Variants in PDE4D observed in about 807,000 individuals in gnomAD.
The protein encoded by PDE4D is phosphodiesterase 4D.
PDE4D carries 24 observed loss-of-function variants against 87.4 expected under a neutral mutation model. The ratio of observed to expected loss-of-function variants is 0.27; its 90% CI spans 0.20 to 0.39. The LOEUF (loss-of-function observed/expected upper bound fraction) is 0.39, where lower values mean the gene tolerates loss of function less well. PDE4D is among the 10% of genes least tolerant of loss of function. The pLI is 1.00. For synonymous variants in PDE4D, 384 were observed against 383.2 expected (o/e 1.00, Z -0.02); for missense variants, 714 against 1,041.0 (o/e 0.69, Z 4.32).
intron 1 of PDE4D, among the ~76,000 whole-genome samples, chr5:59,413,407 G>T (rs34873866): frequency 0.17 from 24,412 of 141,970 alleles, 2,684 homozygotes; most frequent in African/African-American, 0.31. Context: ...GCAGTGAGCC[G>T]AGATCGCGCC....
At chr5:59,614,463 A>G (rs1412394459) in intron 1 of PDE4D, among the ~76,000 whole-genome samples, 2 of 152,240 alleles carry the variant, frequency 1.3e-5, no homozygotes, top group East Asian at 3.8e-4. Context: ...ATAGAGCTAT[A>G]TGAGATATGT....
At chr5:60,155,540 T>C (rs760656498) in intron 2 of PDE4D, among the ~76,000 whole-genome samples, 10 of 152,214 alleles carry the variant, frequency 6.6e-5, no homozygotes, top group Non-Finnish European at 1.5e-4. Context: ...TATGGCTCCA[T>C]TACATGAATG....
At chr5:59,233,483 T>C (rs574436777) in intron 1 of PDE4D, among the ~76,000 whole-genome samples, 122 of 152,304 alleles carry the variant, frequency 8.0e-4, no homozygotes, top group African/African-American at 2.5e-3. Flanking sequence ...CTCTTCACTG[T>C]TGCCTAGCTC....
chr5:59,287,734 G>C (rs111289504), intron 1 of PDE4D, among the ~76,000 whole-genome samples: 4,170 of 151,362 alleles, frequency 0.028, 209 homozygotes, highest in African/African-American at 0.095. Flanking sequence ...GAGAGAGAGA[G>C]AGACAGACAG....
intron 3 of PDE4D, among the ~76,000 whole-genome samples, chr5:59,948,084 TA>T (rs1757904075): frequency 6.6e-6 from 1 of 152,180 alleles, no homozygotes; most frequent in Non-Finnish European, 1.5e-5. Context: ...CAAAGAGATG[TA>T]AAAAATGGAC....
chr5:59,579,910 T>G (rs1823804244), intron 1 of PDE4D, among the ~76,000 whole-genome samples: 1 of 152,210 alleles, frequency 6.6e-6, no homozygotes, highest in Non-Finnish European at 1.5e-5. Flanking sequence ...CACCACAAAT[T>G]CCTTTTAAAT....
intron 1 of PDE4D, among the ~76,000 whole-genome samples, chr5:59,464,302 A>C (rs1801232114): frequency 6.6e-6 from 1 of 152,138 alleles, no homozygotes; most frequent in Non-Finnish European, 1.5e-5. Context: ...CTCCCTGGGC[A>C]ATGGAATGTC....
At chr5:60,148,888 T>G (rs1781250772) in intron 2 of PDE4D, among the ~76,000 whole-genome samples, 1 of 152,210 alleles carries the variant, frequency 6.6e-6, no homozygotes, top group African/African-American at 2.4e-5. Context: ...CTCAAATGCT[T>G]ATTTATATGT....
At chr5:59,577,367 G>A (rs1823346919) in intron 1 of PDE4D, among the ~76,000 whole-genome samples, 1 of 152,094 alleles carries the variant, frequency 6.6e-6, no homozygotes, top group East Asian at 1.9e-4. Flanking sequence ...CCAAATACTT[G>A]AGAAAAGCAT....
chr5:59,276,031 T>C (rs1764728077), intron 1 of PDE4D: 1 of 981,642 alleles, frequency 1.0e-6, no homozygotes, highest in African/African-American at 1.8e-5. Flanking sequence ...ATGAGAACTA[T>C]CATTCAATCT....
rs1405680707 is a variant in PDE4D at position 59,566,577 on chromosome 5, TGTGTGTGA to T, written c.455+326583_455+326590del. Among the ~76,000 whole-genome samples, 24 of 54,614 alleles carry T rather than the reference TGTGTGTGA, an allele frequency of 4.4e-4. 1 individual carries two copies. Among genetic ancestry groups the T allele is most frequent in the African/African-American group, 1.4e-3 (23 of 16,720 alleles). The allele number at this position is 54,614 out of a possible 152,430, so 35.8% of individuals were successfully genotyped here. On this transcript the variant is annotated intron_variant, in intron 1 of 14. Coordinates refer to ENST00000340635, the MANE Select transcript of PDE4D (RefSeq NM_001104631.2). ...GTGTGTGTGTGTGTGTGTGTGTGTGTGTGTGTGAGAGAATGAGAGAGAGAGAGAAAGAG... is the reference window on the plus strand; with the variant it reads ...GTGTGTGTGTGTGTGTGTGTGTGTGTGAGAATGAGAGAGAGAGAGAAAGAG...
Position 59,332,565 on chromosome 5 carries a change from T to C in PDE4D, c.456-116597A>G, listed in dbSNP as rs1030974390. Among the ~76,000 whole-genome samples the C allele has an allele frequency of 6.8e-4, 103 of 152,326 alleles. 1 individual carries two copies. Among genetic ancestry groups the C allele is most frequent in the Non-Finnish European group, 2.9e-4 (20 of 68,034 alleles). ...CCTGTCCTTAAGACACCTTAACAAA[T>C]TGACATTAGGCTTTAAAAACTATAC... On this transcript the variant is annotated intron_variant, in intron 1 of 14. Coordinates refer to ENST00000340635, the MANE Select transcript of PDE4D (RefSeq NM_001104631.2).
At chr5:60,040,263 G>T (rs1768318764) in intron 2 of PDE4D, among the ~76,000 whole-genome samples, 2 of 152,168 alleles carry the variant, frequency 1.3e-5, no homozygotes, top group Admixed American at 1.3e-4. Flanking sequence ...CTAGTGTGCT[G>T]CTGTGTAGAA....
In PDE4D at chr5:60,114,000, C is replaced by A. The variant is rs1777917492; in HGVS notation, c.42+71557G>T. 2.0e-5 allele frequency among the ~76,000 whole-genome samples: 3 copies of A among 152,090 alleles called. No homozygotes were observed. In the South Asian group the frequency reaches 6.2e-4, roughly 31 times the overall value. On this transcript the variant is annotated intron_variant, in intron 2 of 16. Coordinates refer to the PDE4D transcript ENST00000502484. ...CAATATTTACTGGAATGTAGAGTGGCAGTACCTAATAACAGTGGAAAATGT... is the reference window on the plus strand; with the variant it reads ...CAATATTTACTGGAATGTAGAGTGGAAGTACCTAATAACAGTGGAAAATGT...
At chr5:60,131,738 T>C (rs1188549665) in intron 2 of PDE4D, among the ~76,000 whole-genome samples, 1 of 152,200 alleles carries the variant, frequency 6.6e-6, no homozygotes, top group Non-Finnish European at 1.5e-5. Flanking sequence ...GTAAACTAAA[T>C]AAATGGTTGT....
chr5:59,267,700 A>C (rs1763075992), intron 1 of PDE4D, among the ~76,000 whole-genome samples: 1 of 152,152 alleles, frequency 6.6e-6, no homozygotes, highest in Admixed American at 6.6e-5. Flanking sequence ...GAATTTAAGC[A>C]AAGAAGATTT....
intron 1 of PDE4D, among the ~76,000 whole-genome samples, chr5:59,355,652 G>A (rs1022236453): frequency 1.3e-5 from 2 of 151,994 alleles, no homozygotes; most frequent in Non-Finnish European, 2.9e-5. Flanking sequence ...AATAAATGGA[G>A]TTAATACCTA....
At chr5:60,213,013 G>A (rs1267702857) in intron 1 of PDE4D, among the ~76,000 whole-genome samples, 1 of 152,056 alleles carries the variant, frequency 6.6e-6, no homozygotes. Context: ...CATGTTCTCA[G>A]GTGCTTCTCT....
At chr5:59,174,149 A>T (rs190950894) in intron 5 of PDE4D, among the ~76,000 whole-genome samples, 52 of 152,322 alleles carry the variant, frequency 3.4e-4, no homozygotes, top group Non-Finnish European at 5.1e-4. Context: ...ATTCTTAGAA[A>T]CTGCTTGTGC....
Sources: allele counts gnomAD v4.1 joint callset (sites outside exome capture counted in the v4.1 genomes callset), GRCh38; gene constraint gnomAD v4.1.1; transcripts MANE v1.5; gene names NCBI Gene and HGNC (gene_info 2026-07-23, HGNC 2026-07-21).